The following LGALS1 variants were observed in gnomAD, a reference collection of about 807,000 sequenced individuals.
LGALS1 encodes the protein galectin 1, also known as galectin-1.
LGALS1 carries 14 observed loss-of-function variants against 14.4 expected under a neutral mutation model. That is an observed-to-expected ratio of 0.97 (90% CI 0.64 to 1.52). The LOEUF is 1.52. LGALS1 is among the 40% of genes most tolerant of loss of function. LGALS1 has a pLI of 0.00. For missense variants in LGALS1, 170 were observed against 181.4 expected, an observed-to-expected ratio of 0.94 and a Z score of 0.36; for synonymous variants, 71 against 73.4, an observed-to-expected ratio of 0.97 and a Z score of 0.17.
At chr22:37,677,131 G>C (rs1269831544) in intron 2 of LGALS1, 66 bp downstream of exon 2, 1 of 1,500,124 alleles carries the variant, frequency 6.7e-7, no homozygotes, top group East Asian at 2.3e-5. Flanking sequence ...GGGCGTGGCC[G>C]GCCAAGCCCA....
chr22:37,676,806 A>C (rs1340390279), intron 1 of LGALS1, 180 bp from the exon 2 acceptor site: 2 of 707,846 alleles, frequency 2.8e-6, no homozygotes, highest in Non-Finnish European at 5.2e-6. Context: ...CTTTCCCAGG[A>C]CCACATAGAC....
chr22:37,677,294 G>T, intron 2 of LGALS1: 2 of 557,350 alleles, frequency 3.6e-6, no homozygotes, highest in Non-Finnish European at 6.5e-6. Flanking sequence ...TAAACCAGCT[G>T]CAGCCTCGTC....
rs1363914376 is a variant in LGALS1, at chr22:37,677,210, TC to T, written c.89+150del. ...TGCTGCGTTTTCTGGGTGACTCACT[TC>T]CCCCGCAGGGTCTGGGCGCCCCCAC... On this transcript the variant is annotated intron_variant, in intron 2 of 3. Transcript: ENST00000215909. 5.2e-6 allele frequency: 4 copies of T among 769,374 alleles called. No homozygotes were observed. The Admixed American group carries it at 9.6e-5, about 18-fold the overall frequency. 47.7% of individuals were successfully genotyped at this position (769,374 alleles called of 1,614,324 possible). A position where few individuals can be genotyped will look rare whatever the true frequency, so the allele number is the denominator to read the frequency against.
At position 37,678,991 on chromosome 22, in the gene LGALS1, C is replaced by T. The variant is rs1340634059; in HGVS notation, c.261+337C>T. On this transcript the variant is annotated intron_variant, in intron 3 of 3. Transcript: ENST00000215909. ...CTAAAAATACAAAAAATTAGCTAGG[C>T]GTGATGGCGCATGCCTGTAATCCCA... is the stretch of plus-strand genomic sequence containing the variant. 2.6e-5 allele frequency among the ~76,000 whole-genome samples: 4 copies of T among 151,192 alleles called. No homozygotes were observed. In the East Asian group the frequency reaches 5.8e-4, roughly 22 times the overall value.
chr22:37,676,888 C>T (rs1406129576), intron 1 of LGALS1, 98 bp from the exon 2 acceptor site: 2 of 1,187,694 alleles, frequency 1.7e-6, no homozygotes, highest in Admixed American at 1.9e-5. Context: ...GGATGCCGGG[C>T]GGGAACAACC....
At chr22:37,675,839 T>C in intron 1 of LGALS1, 128 bp downstream of exon 1, 1 of 806,088 alleles carries the variant, frequency 1.2e-6, no homozygotes. Context: ...CCTTCTCTTT[T>C]CTGGACCTCA....
chr22:37,678,129 G>A (rs1921501571), intron 2 of LGALS1, among the ~76,000 whole-genome samples: 1 of 152,152 alleles, frequency 6.6e-6, no homozygotes, highest in South Asian at 2.1e-4. Context: ...TAATTACTAA[G>A]CATCTTTTTC....
rs952940245 is a variant in LGALS1, at chr22:37,677,854, G to A, written c.90-629G>A. On this transcript the variant is annotated intron_variant, in intron 2 of 3. Transcript: ENST00000215909. Reference sequence around the variant, plus strand: ...GGCTGGAGTGCAATGGCGTGATCTCGGCTCACCACAACCTCCGCCTCCCGG... The same window carrying A: ...GGCTGGAGTGCAATGGCGTGATCTCAGCTCACCACAACCTCCGCCTCCCGG... Among the ~76,000 whole-genome samples the A allele has an allele frequency of 5.3e-5, 8 of 151,882 alleles. No homozygotes were observed. In the South Asian group the frequency reaches 1.5e-3, roughly 28 times the overall value.
chr22:37,679,711 G>C lies in LGALS1; in HGVS notation c.370G>C (p.Asp124His). 6.2e-7 allele frequency: 1 copy of C among 1,608,940 alleles called. No individual in the cohort carries two copies. The highest frequency in any genetic ancestry group is 8.5e-7 in the Non-Finnish European group (1 of 1,177,776). Reference sequence around the variant, plus strand: ...GGAGGCCATCAACTACATGGCAGCTGACGGTGACTTCAAGATCAAATGTGT... The same window carrying C: ...GGAGGCCATCAACTACATGGCAGCTCACGGTGACTTCAAGATCAAATGTGT... ...NLEAINYMAA[D>H]GDFKIKCVAF... The change falls in exon 4 of 4, where the codon GAC (aspartate) becomes CAC (histidine). Residue 124 changes from aspartate (D) to histidine (H), a missense_variant. By Grantham distance (81) the Asp-to-His change is moderately conservative (BLOSUM62 -1). Transcript: ENST00000215909.
chr22:37,677,956 TG>T, intron 2 of LGALS1, among the ~76,000 whole-genome samples: 1 of 152,130 alleles, frequency 6.6e-6, no homozygotes, highest in South Asian at 2.1e-4. Flanking sequence ...AGCTAATTTA[TG>T]TACTTTTAGT....
intron 2 of LGALS1, 93 bp downstream of exon 2, chr22:37,677,158 G>C (rs1921459558): frequency 1.6e-6 from 2 of 1,276,048 alleles, no homozygotes; most frequent in Non-Finnish European, 2.2e-6. Context: ...CTCCCTGGCC[G>C]GGAGCGGGTT....
intron 2 of LGALS1, 162 bp downstream of exon 2, chr22:37,677,227 G>GCGCCCCCACCGTTGC: frequency 1.5e-6 from 1 of 685,774 alleles, no homozygotes; most frequent in South Asian, 1.8e-5. Flanking sequence ...CAGGGTCTGG[G>GCGCCCCCACCGTTGC]CGCCCCCACC....
intron 3 of LGALS1, 148 bp from the exon 4 acceptor site, chr22:37,679,455 G>T: frequency 1.7e-6 from 1 of 605,168 alleles, no homozygotes; most frequent in South Asian, 4.6e-5. Context: ...TCTATCATAG[G>T]ATTAGAGTAA....
intron 3 of LGALS1, 78 bp downstream of exon 3, chr22:37,678,732 C>A: frequency 7.1e-7 from 1 of 1,407,540 alleles, no homozygotes. Flanking sequence ...TGACTAGAGA[C>A]CTTGGCCCTG....
intron 2 of LGALS1, among the ~76,000 whole-genome samples, chr22:37,677,995 G>A (rs1266466687): frequency 6.6e-6 from 1 of 152,102 alleles, no homozygotes; most frequent in Non-Finnish European, 1.5e-5. Flanking sequence ...ATGTTGGCCA[G>A]GCTGGTCTCG....
chr22:37,678,278 C>T, intron 2 of LGALS1: 1 of 705,534 alleles, frequency 1.4e-6, no homozygotes, highest in South Asian at 1.5e-5. Flanking sequence ...GCGAGCCCTC[C>T]TGTGCAGCCC....
chr22:37,679,431 A>G (rs909127196), intron 3 of LGALS1, among the ~76,000 whole-genome samples, 172 bp from the exon 4 acceptor site: 4 of 144,464 alleles, frequency 2.8e-5, no homozygotes, highest in Non-Finnish European at 4.5e-5. Context: ...CTCCATCTCA[A>G]AAAAAAAAAA....
At chr22:37,679,546 G>A in intron 3 of LGALS1, 57 bp from the exon 4 acceptor site, 1 of 1,464,404 alleles carries the variant, frequency 6.8e-7, no homozygotes, top group East Asian at 2.6e-5. Context: ...ATGAGGAACG[G>A]GTTCTGGAAG....
chr22:37,677,101 C>G, intron 2 of LGALS1, 36 bp downstream of exon 2: 1 of 1,603,398 alleles, frequency 6.2e-7, no homozygotes, highest in South Asian at 1.1e-5. Flanking sequence ...GCGGCAGGGA[C>G]GGGCTTGGTC....
Sources: allele counts gnomAD v4.1 joint callset (sites outside exome capture counted in the v4.1 genomes callset), GRCh38; gene constraint gnomAD v4.1.1; transcripts MANE v1.5; gene names NCBI Gene and HGNC (gene_info 2026-07-23, HGNC 2026-07-21).